CSMD3: variants seen among roughly 807,000 people sequenced by gnomAD.
The protein encoded by CSMD3 is CUB and sushi domain-containing protein 3.
A neutral mutation model predicts 435.2 loss-of-function variants in CSMD3; 177 were observed. That is an observed-to-expected ratio of 0.41 (90% confidence interval 0.36 to 0.46). The LOEUF is 0.46. Among genes scored for constraint, CSMD3 ranks in the 20% least tolerant of loss-of-function variants. The probability of loss-of-function intolerance (pLI) is 0.34; values close to 1 mark genes in which losing one functional copy is unlikely to be tolerated. For missense variants in CSMD3, 4,265 were observed against 4,504.6 expected, an observed-to-expected ratio of 0.95 and a Z score of 1.52; for synonymous variants, 1,656 against 1,520.5, an observed-to-expected ratio of 1.09 and a Z score of -2.07.
At chr8:112,437,500 C>G (rs1370691787) in intron 32 of CSMD3, among the ~76,000 whole-genome samples, 9 of 151,944 alleles carry the variant, frequency 5.9e-5, no homozygotes, top group Admixed American at 4.6e-4. Flanking sequence ...TCTCTGGATT[C>G]ATAAACAAAT....
chr8:112,639,919 T>C (rs1440276073), intron 20 of CSMD3, among the ~76,000 whole-genome samples: 1 of 152,102 alleles, frequency 6.6e-6, no homozygotes, highest in East Asian at 1.9e-4. Flanking sequence ...CATATGTGCT[T>C]TTTTCTGTTG....
At chr8:113,432,440 T>A (rs1586193535) in intron 1 of CSMD3, among the ~76,000 whole-genome samples, 1 of 152,338 alleles carries the variant, frequency 6.6e-6, no homozygotes, top group East Asian at 1.9e-4. Flanking sequence ...CGTGCCCCTG[T>A]GTCAGCCCCT....
chr8:113,166,483 C>T (rs181846929), intron 4 of CSMD3, among the ~76,000 whole-genome samples: 7 of 151,838 alleles, frequency 4.6e-5, no homozygotes, highest in Admixed American at 3.3e-4. Flanking sequence ...CCAGCTTGGG[C>T]GACAAGAGTG....
intron 27 of CSMD3, among the ~76,000 whole-genome samples, chr8:112,528,794 G>T (rs1825236455): frequency 6.6e-6 from 1 of 152,058 alleles, no homozygotes; most frequent in Non-Finnish European, 1.5e-5. Context: ...CATATAATCA[G>T]GAAGCGATTC....
rs377278506 is a variant in CSMD3 at position 112,695,458 on chromosome 8, T to C, written c.1973-5408A>G. Reference sequence around the variant, plus strand: ...AAATCAATAAATGCAATCCAGCATATAAAGAGAACCAAAGACAAAAATCAC... The same window carrying C: ...AAATCAATAAATGCAATCCAGCATACAAAGAGAACCAAAGACAAAAATCAC... On this transcript the variant is annotated intron_variant, in intron 13 of 70. Coordinates refer to ENST00000297405, the MANE Select transcript of CSMD3 (RefSeq NM_198123.2). Among the ~76,000 whole-genome samples the C allele has an allele frequency of 1.5e-4, 23 of 152,280 alleles. No individual in the cohort carries two copies. In the East Asian group the frequency reaches 2.9e-3, roughly 19 times the overall value.
chr8:113,034,814 C>T (rs943693207), intron 5 of CSMD3, among the ~76,000 whole-genome samples: 105 of 152,118 alleles, frequency 6.9e-4, no homozygotes, highest in African/African-American at 2.4e-3. Flanking sequence ...AAACAGACCA[C>T]TCAATGAAGA....
intron 1 of CSMD3, among the ~76,000 whole-genome samples, chr8:113,322,720 T>C (rs991170184): frequency 6.6e-5 from 10 of 152,146 alleles, no homozygotes; most frequent in African/African-American, 2.4e-4. Context: ...GTTATGAAAA[T>C]ATTATTATGA....
chr8:112,868,536 T>C (rs2081047238), intron 10 of CSMD3, among the ~76,000 whole-genome samples: 1 of 152,176 alleles, frequency 6.6e-6, no homozygotes, highest in Admixed American at 6.5e-5. Flanking sequence ...ATGGCTACAA[T>C]GTCACTAGGT....
intron 17 of CSMD3, among the ~76,000 whole-genome samples, chr8:112,660,465 AT>A (rs1475891593): frequency 2.0e-5 from 3 of 152,122 alleles, no homozygotes; most frequent in Non-Finnish European, 4.4e-5. Context: ...AAAAGAACCA[AT>A]TTTCTGGCAA....
At chr8:112,671,999 A>G (rs1586936543) in intron 16 of CSMD3, among the ~76,000 whole-genome samples, 1 of 151,994 alleles carries the variant, frequency 6.6e-6, no homozygotes, top group South Asian at 2.1e-4. Context: ...GCTGAAATTG[A>G]AAAAAAATTC....
chr8:113,291,108 CTAATA>C (rs2093683419), intron 2 of CSMD3, among the ~76,000 whole-genome samples: 1 of 151,270 alleles, frequency 6.6e-6, no homozygotes, highest in African/African-American at 2.4e-5. Context: ...GTGAGATTTA[CTAATA>C]TGAGAAATGC....
intron 11 of CSMD3, among the ~76,000 whole-genome samples, chr8:112,836,143 T>C (rs1341150509): frequency 6.6e-6 from 1 of 151,862 alleles, no homozygotes; most frequent in Non-Finnish European, 1.5e-5. Context: ...GGACATATCT[T>C]TGTATGCAGT....
At chr8:112,902,282 T>C (rs914284357) in intron 10 of CSMD3, among the ~76,000 whole-genome samples, 10 of 151,362 alleles carry the variant, frequency 6.6e-5, no homozygotes, top group Non-Finnish European at 1.5e-4. Flanking sequence ...CCCATAGTTA[T>C]TGTGACTCCC....
At chr8:113,206,148 A>C (rs2092768467) in intron 3 of CSMD3, among the ~76,000 whole-genome samples, 1 of 152,088 alleles carries the variant, frequency 6.6e-6, no homozygotes, top group African/African-American at 2.4e-5. Context: ...CTTTGTTGAA[A>C]ATGTTTGCTG....
intron 1 of CSMD3, among the ~76,000 whole-genome samples, chr8:113,342,494 T>C (rs1310612462): frequency 1.3e-5 from 2 of 152,298 alleles, no homozygotes; most frequent in African/African-American, 4.8e-5. Context: ...ATTGATTAAA[T>C]TGATCTGATT....
At chr8:112,493,084 G>A (rs560951647) in intron 30 of CSMD3, among the ~76,000 whole-genome samples, 2 of 152,206 alleles carry the variant, frequency 1.3e-5, no homozygotes, top group Admixed American at 6.5e-5. Context: ...AGGAAAAGCA[G>A]CAGCATCATT....
intron 57 of CSMD3, among the ~76,000 whole-genome samples, chr8:112,287,602 T>A (rs1032366247): frequency 3.3e-5 from 5 of 151,922 alleles, no homozygotes; most frequent in Admixed American, 6.6e-5. Context: ...AACCAAAATT[T>A]AAAAAAAACT....
intron 35 of CSMD3, among the ~76,000 whole-genome samples, chr8:112,392,302 A>G (rs1464929072): frequency 3.0e-5 from 4 of 131,866 alleles, no homozygotes; most frequent in South Asian, 2.5e-4. Flanking sequence ...CGCAAAAACC[A>G]GGGCAATTAC....
In CSMD3 at chr8:113,170,883, G is replaced by A. The variant is rs972436347; in HGVS notation, c.709+2839C>T. The stretch of plus-strand genomic sequence containing the variant: ...TTCAAAAATAGTGGGTGCCAATTTT[G>A]ATAGATTTTAAAAAATCATAGAAGT... On this transcript the variant is annotated intron_variant, in intron 4 of 70. Coordinates refer to ENST00000297405, the MANE Select transcript of CSMD3 (RefSeq NM_198123.2). 3.9e-5 allele frequency among the ~76,000 whole-genome samples: 6 copies of A among 151,936 alleles called. No homozygotes were observed. The East Asian group carries it at 1.2e-3, about 30-fold the overall frequency.
Sources: allele counts gnomAD v4.1 joint callset (sites outside exome capture counted in the v4.1 genomes callset), GRCh38; gene constraint gnomAD v4.1.1; transcripts MANE v1.5; gene names NCBI Gene and HGNC (gene_info 2026-07-23, HGNC 2026-07-21).